Variants in FAM171A2 observed in about 807,000 individuals in gnomAD.
The protein encoded by FAM171A2 is protein FAM171A2.
Under a neutral mutation model 34.2 loss-of-function variants are expected in FAM171A2, and 13 were observed. The ratio of observed to expected loss-of-function variants is 0.38; its 90% CI spans 0.25 to 0.60. The LOEUF (loss-of-function observed/expected upper bound fraction) is 0.60. Ranked by LOEUF, FAM171A2 falls within the 20% of genes least tolerant of loss-of-function variation. The pLI is 0.62. For synonymous variants in FAM171A2, 475 were observed against 561.2 expected, an observed-to-expected ratio of 0.85 and a Z score of 2.17; for missense variants, 950 against 1,180.7, an observed-to-expected ratio of 0.80 and a Z score of 2.86.
At position 44,363,792 on chromosome 17, in the gene FAM171A2, T is replaced by C; in HGVS notation, c.-78A>G. On this transcript the variant is annotated 5_prime_UTR_variant, in exon 1 of 8. Transcript: ENST00000293443. The stretch of plus-strand genomic sequence containing the variant: ...GCCCGGCCCCGCGCAGCCCCAGCTC[T>C]GCGCCGCGCCTCGCAGCTCCGGCTC... 3.2e-6 allele frequency: 2 copies of C among 631,990 alleles called. No individual in the cohort carries two copies. Among genetic ancestry groups the C allele is most frequent in the Non-Finnish European group, 4.4e-6 (2 of 459,700 alleles). 39.1% of individuals were successfully genotyped at this position (631,990 alleles called of 1,614,324 possible).
rs1376553877 is a variant in FAM171A2 at position 44,359,655 on chromosome 17, G to C, written c.363C>G (p.Ser121Arg). ...VDKLPLYASVSLYLLPERPAT... is the reference protein window; with the variant it reads ...VDKLPLYASVRLYLLPERPAT... ...CCGGCCGCTCAGGGAGCAGGTAGAG[G>C]CTGACAGACGCATACACTGCGGGAG... Residue 121 changes from serine (S) to arginine (R), a missense_variant, in exon 3 of 8, where the codon AGC (serine) becomes AGG (arginine). By Grantham distance (110) the Ser-to-Arg change is moderately radical. Coordinates refer to ENST00000293443, the MANE Select transcript of FAM171A2 (RefSeq NM_198475.3). 1 of 1,550,744 alleles carries C rather than the reference G, an allele frequency of 6.4e-7. No individual in the cohort carries two copies. The highest frequency in any genetic ancestry group is 1.4e-5 in the African/African-American group (1 of 73,104).
At chr17:44,363,227 G>A (rs1002208370) in intron 1 of FAM171A2, among the ~76,000 whole-genome samples, 1 of 152,064 alleles carries the variant, frequency 6.6e-6, no homozygotes, top group Non-Finnish European at 1.5e-5. Flanking sequence ...CAACCCGCAG[G>A]GGGCTGCGGA....
rs1485236864 is a variant in FAM171A2, at chr17:44,354,409, TCGC to T, written c.1802_1804del (p.Gly601del). 1 of 1,187,112 alleles carries T rather than the reference TCGC, an allele frequency of 8.4e-7. No homozygotes were observed. The highest frequency in any genetic ancestry group is 4.7e-5 in the Admixed American group (1 of 21,166). The allele number at this position is 1,187,112 out of a possible 1,614,324, so 73.5% of individuals were successfully genotyped here. ...CGCCGCGCGCCCGGCCCCCCAGCCC[TCGC>T]CGCCGCCCCCGCCGCCCTCGCCCCC... On this transcript the variant is annotated inframe_deletion, in exon 8 of 8. Transcript: ENST00000293443. The surrounding 1 kb of genome is among the most constrained non-coding windows in gnomAD (Gnocchi z 5.8).
intron 1 of FAM171A2, among the ~76,000 whole-genome samples, chr17:44,362,028 C>T (rs187100743): frequency 7.4e-6 from 1 of 135,048 alleles, no homozygotes; most frequent in East Asian, 2.1e-4. Context: ...GTCAGAGTTT[C>T]AGAAGAGGGA....
At chr17:44,357,731 G>A (rs879396716) in intron 3 of FAM171A2, among the ~76,000 whole-genome samples, 2 of 49,120 alleles carry the variant, frequency 4.1e-5, no homozygotes, top group South Asian at 4.6e-4. Flanking sequence ...AGTTTAGGTC[G>A]TGTGTGTGTG....
rs928754337 is a variant in FAM171A2, at chr17:44,355,228, G to C, written c.1023-37C>G. The C allele has an allele frequency of 6.5e-7, 1 of 1,546,358 alleles. No individual in the cohort carries two copies. The highest frequency in any genetic ancestry group is 8.7e-7 in the Non-Finnish European group (1 of 1,145,460). ...GGAGCAGAAGGGGCCGCTCAGGAAA[G>C]GGTGAGGGCCAAAGTAGGCCCCGAA... On this transcript the variant is annotated intron_variant, in intron 7 of 7. Transcript: ENST00000293443. The surrounding 1 kb of genome is among the most constrained non-coding windows in gnomAD (Gnocchi z 4.1).
intron 3 of FAM171A2, among the ~76,000 whole-genome samples, chr17:44,356,994 A>G (rs2048427126): frequency 6.6e-6 from 1 of 152,150 alleles, no homozygotes; most frequent in Non-Finnish European, 1.5e-5. Flanking sequence ...GTGGCTGTTA[A>G]GCATTTGAAA....
At position 44,355,857 on chromosome 17, in the gene FAM171A2, G is replaced by A. The variant is rs2048420476; in HGVS notation, c.896-16C>T. The A allele has an allele frequency of 5.8e-6, 9 of 1,551,556 alleles. No homozygotes were observed. In the East Asian group the frequency reaches 2.2e-4, roughly 38 times the overall value. ...GTGACCAGCCCTGTGCCAGGCGAGG[G>A]CTTAGCGTTCAGGTGTAGACACCCT... On this transcript the variant is annotated splice_polypyrimidine_tract_variant and intron_variant, in intron 6 of 7. Coordinates refer to ENST00000293443, the MANE Select transcript of FAM171A2 (RefSeq NM_198475.3). The surrounding 1 kb of genome is among the most constrained non-coding windows in gnomAD (Gnocchi z 4.1).
At position 44,354,257 on chromosome 17, in the gene FAM171A2, C is replaced by T; in HGVS notation, c.1957G>A (p.Ala653Thr). ...LELGVKPHPR[A>T]WFVSLDGRSN... ...CGCCCGTCGAGGGACACGAACCAGG[C>T]GCGCGGGTGCGGCTTCACGCCCAGT... Residue 653 changes from alanine (A) to threonine (T), a missense_variant, in exon 8 of 8, where the codon GCC (alanine) becomes ACC (threonine). Physicochemically the swap from Ala to Thr is moderately conservative, Grantham distance 58. Around this residue, in one of 3 missense-constraint regions of FAM171A2, gnomAD observed 752 missense variants for 924.5 expected, o/e 0.81. Coordinates refer to ENST00000293443, the MANE Select transcript of FAM171A2 (RefSeq NM_198475.3). This position sits in a 1 kb window ranked among gnomAD's most constrained non-coding sequence, Gnocchi z 5.8. 6.9e-7 allele frequency: 1 copy of T among 1,453,012 alleles called. No homozygotes were observed. Among genetic ancestry groups the T allele is most frequent in the East Asian group, 2.9e-5 (1 of 34,200 alleles). The allele number at this position is 1,453,012 out of a possible 1,614,324, so 90.0% of individuals were successfully genotyped here. A position where few individuals can be genotyped will look rare whatever the true frequency, so the allele number is the denominator to read the frequency against.
In FAM171A2 at chr17:44,356,560, G is replaced by A. The variant is rs2048425101; in HGVS notation, c.468C>T (p.Phe156=). The A allele has an allele frequency of 6.5e-7, 1 of 1,547,640 alleles. No homozygotes were observed. Among genetic ancestry groups the A allele is most frequent in the South Asian group, 1.2e-5 (1 of 83,828 alleles). Residue 156 remains phenylalanine, a synonymous_variant, in exon 4 of 8, where the codon TTC becomes TTT. Coordinates refer to ENST00000293443, the MANE Select transcript of FAM171A2 (RefSeq NM_198475.3). ...CAGGCAGGCGGGCAGCCCGGCGCTG[G>A]AACTGCACCAAGGGCTGGGAGCGGG... ...PGARSQPLVQ[F]QRRAARLPVS...
At position 44,354,890 on chromosome 17, in the gene FAM171A2, T is replaced by G; in HGVS notation, c.1324A>C (p.Lys442Gln). The G allele has an allele frequency of 2.2e-6, 3 of 1,375,368 alleles. No individual in the cohort carries two copies. The highest frequency in any genetic ancestry group is 2.8e-6 in the Non-Finnish European group (3 of 1,070,114). 85.2% of individuals were successfully genotyped at this position (1,375,368 alleles called of 1,614,324 possible). ...GARGGESAGL[K>Q]GARSAEGPGG... ...GGGCCCTCGGCCGAGCGAGCGCCCT[T>G]GAGCCCGGCGCTCTCGCCCCCGCGG... Residue 442 changes from lysine (K) to glutamine (Q), a missense_variant, in exon 8 of 8, where the codon AAG (lysine) becomes CAG (glutamine). By Grantham distance (53) the Lys-to-Gln change is moderately conservative. This residue lies in a region of FAM171A2 where 752 missense variants were observed against 924.5 expected (regional missense o/e 0.81). Transcript: ENST00000293443. This position sits in a 1 kb window ranked among gnomAD's most constrained non-coding sequence, Gnocchi z 5.8.
At chr17:44,360,297 C>T (rs76755704) in intron 1 of FAM171A2, among the ~76,000 whole-genome samples, 165 bp from the exon 2 acceptor site, 7 of 152,318 alleles carry the variant, frequency 4.6e-5, no homozygotes, top group Non-Finnish European at 1.0e-4. Context: ...TCACTGAAAC[C>T]TCCTATCAGC....
At chr17:44,361,425 G>T (rs963773775) in intron 1 of FAM171A2, among the ~76,000 whole-genome samples, 2 of 151,786 alleles carry the variant, frequency 1.3e-5, no homozygotes, top group South Asian at 4.1e-4. Flanking sequence ...GGAAGAGTCT[G>T]GAGCTGAGAG....
In FAM171A2 at chr17:44,360,030, G is replaced by GTGCC. The variant is rs2048441905; in HGVS notation, c.217_220dup (p.Thr74ArgfsTer40). 1 of 1,551,612 alleles carries GTGCC rather than the reference G, an allele frequency of 6.4e-7. No homozygotes were observed. Among genetic ancestry groups the GTGCC allele is most frequent in the African/African-American group, 1.4e-5 (1 of 73,050 alleles). On this transcript the variant is annotated frameshift_variant, in exon 2 of 8. Coordinates refer to ENST00000293443, the MANE Select transcript of FAM171A2 (RefSeq NM_198475.3). LOFTEE classifies it high-confidence loss of function. ...GGTGGCCACACCCTCTGAGTCTGTGGTGCCAGCTGCCAGCAGAGTCCGGTT... is the reference window on the plus strand; with the variant it reads ...GGTGGCCACACCCTCTGAGTCTGTGGTGCCTGCCAGCTGCCAGCAGAGTCCGGTT...
At chr17:44,356,684 G>A in intron 3 of FAM171A2, 96 bp from the exon 4 acceptor site, 1 of 1,366,628 alleles carries the variant, frequency 7.3e-7, no homozygotes, top group Non-Finnish European at 9.7e-7. Flanking sequence ...GGGGACATGA[G>A]GTCAGGCCAC....
Position 44,353,743 on chromosome 17 carries a change from T to C in FAM171A2, c.2471A>G (p.Asn824Ser), listed in dbSNP as rs953949952. ...RREERPLMVF[N>S]VK The stretch of plus-strand genomic sequence containing the variant: ...GGCCCTGCGCGGGCGCTACTTGACG[T>C]TGAACACCATCAGCGGCCGCTCCTC... The change falls in exon 8 of 8, where the codon AAC becomes AGC. Residue 824 changes from asparagine to serine, a missense_variant. This residue lies in a region of FAM171A2 where 191 missense variants were observed against 222.8 expected (regional missense o/e 0.86). Coordinates refer to ENST00000293443, the MANE Select transcript of FAM171A2 (RefSeq NM_198475.3). 5 of 1,418,944 alleles carry C rather than the reference T, an allele frequency of 3.5e-6. No individual in the cohort carries two copies. Among genetic ancestry groups the C allele is most frequent in the Non-Finnish European group, 4.6e-6 (5 of 1,085,224 alleles). 87.9% of individuals were successfully genotyped at this position (1,418,944 alleles called of 1,614,324 possible). A position where few individuals can be genotyped will look rare whatever the true frequency, so the allele number is the denominator to read the frequency against.
chr17:44,354,913 C>G lies in FAM171A2; in HGVS notation c.1301G>C (p.Arg434Pro). Residue 434 changes from arginine (R) to proline (P), a missense_variant, in exon 8 of 8, where the codon CGC becomes CCC. Around this residue, in one of 3 missense-constraint regions of FAM171A2, gnomAD observed 752 missense variants for 924.5 expected, o/e 0.81. Coordinates refer to ENST00000293443, the MANE Select transcript of FAM171A2 (RefSeq NM_198475.3). This position sits in a 1 kb window ranked among gnomAD's most constrained non-coding sequence, Gnocchi z 5.8. ...SRPAAEPSGA[R>P]GGESAGLKGA... ...CTTGAGCCCGGCGCTCTCGCCCCCG[C>G]GGGCACCCGAAGGCTCGGCGGCCGG... 7.1e-7 allele frequency: 1 copy of G among 1,407,430 alleles called. No homozygotes were observed. The highest frequency in any genetic ancestry group is 9.2e-7 in the Non-Finnish European group (1 of 1,085,656). 87.2% of individuals were successfully genotyped at this position (1,407,430 alleles called of 1,614,324 possible). A position where few individuals can be genotyped will look rare whatever the true frequency, so the allele number is the denominator to read the frequency against.
chr17:44,359,814 C>T, intron 2 of FAM171A2, 91 bp downstream of exon 2: 1 of 1,412,420 alleles, frequency 7.1e-7, no homozygotes, highest in Non-Finnish European at 9.5e-7. Context: ...TGCTGGAAAG[C>T]CTCCCCCTCC....
rs367838180 is a variant in FAM171A2 at position 44,359,688 on chromosome 17, C to T, written c.347-17G>A. 1.1e-3 allele frequency: 1,655 copies of T among 1,547,740 alleles called. 4 individuals carry two copies. Among genetic ancestry groups the T allele is most frequent in the Non-Finnish European group, 1.4e-3 (1,571 of 1,145,500 alleles). On this transcript the variant is annotated splice_polypyrimidine_tract_variant and intron_variant, in intron 2 of 7. Transcript: ENST00000293443. Reference sequence around the variant, plus strand: ...ACGCATACACTGCGGGAGGGATGGCCGGTCAGCTCCAGGAAAACCCACCCC... The same window carrying T: ...ACGCATACACTGCGGGAGGGATGGCTGGTCAGCTCCAGGAAAACCCACCCC...
Sources: gnomAD v4.1 joint callset for allele counts (sites outside exome capture counted in the v4.1 genomes callset) on GRCh38, gnomAD v4.1.1 for gene constraint, gnomAD v4.1.1 regional missense constraint, Gnocchi (gnomAD v3.1) non-coding constraint, MANE v1.5 for transcripts, NCBI Gene and HGNC (gene_info 2026-07-23, HGNC 2026-07-21) for gene names.